The following OCM2 variants were observed in gnomAD, a reference collection of about 807,000 sequenced individuals.
The protein encoded by OCM2 is oncomodulin 2.
In OCM2, 6 loss-of-function variants were observed where a neutral mutation model predicts 13.6. That is an observed-to-expected ratio of 0.44 (90% CI 0.24 to 0.87). OCM2 has a LOEUF of 0.87. Ranked by LOEUF, OCM2 falls within the 40% of genes least tolerant of loss-of-function variation. The pLI, the probability that OCM2 is intolerant of heterozygous loss-of-function variation, is 0.22. For synonymous variants in OCM2, 40 were observed against 50.7 expected, an observed-to-expected ratio of 0.79 and a Z score of 0.90; for missense variants, 118 against 136.8, an observed-to-expected ratio of 0.86 and a Z score of 0.68.
chr7:97,985,504 T>C (rs1794662252), intron 3 of OCM2, among the ~76,000 whole-genome samples: 1 of 151,228 alleles, frequency 6.6e-6, no homozygotes, highest in Non-Finnish European at 1.5e-5. Flanking sequence ...GTCCACAGGG[T>C]TCCTTTTCTC....
chr7:97,989,712 ATTTT>A (rs1344192037), intron 1 of OCM2, among the ~76,000 whole-genome samples: 1 of 136,652 alleles, frequency 7.3e-6, no homozygotes, highest in African/African-American at 2.7e-5. Flanking sequence ...CCTGGTCTAC[ATTTT>A]TTTTTTTTTT....
intron 3 of OCM2, among the ~76,000 whole-genome samples, chr7:97,986,798 G>A (rs1025327161): frequency 9.2e-5 from 14 of 152,074 alleles, no homozygotes; most frequent in African/African-American, 3.1e-4. Flanking sequence ...TCAGGTGAAG[G>A]ATATTTTGCA....
At chr7:97,986,409 G>A (rs765058000) in intron 3 of OCM2, among the ~76,000 whole-genome samples, 1 of 152,038 alleles carries the variant, frequency 6.6e-6, no homozygotes, top group African/African-American at 2.4e-5. Flanking sequence ...TGCTGAGTTG[G>A]CAGACACAAA....
chr7:97,988,489 C>T (rs1794695110), exon 2 of OCM2: 12 of 1,614,198 alleles, frequency 7.4e-6, no homozygotes, highest in Non-Finnish European at 1.0e-5. Flanking sequence ...ACCTGACTGG[C>T]TGACATCTTG....
intron 1 of OCM2, 28 bp downstream of exon 1, chr7:97,990,016 T>TGCCGCCCCCC: frequency 9.2e-7 from 1 of 1,083,838 alleles, no homozygotes; most frequent in Non-Finnish European, 1.4e-6. Flanking sequence ...TGTGAGGAAA[T>TGCCGCCCCCC]CCCACCCCCG....
At chr7:97,987,242 A>C (rs1356686904) in intron 2 of OCM2, 86 bp from the exon 3 acceptor site, 5 of 1,505,892 alleles carry the variant, frequency 3.3e-6, no homozygotes, top group Admixed American at 1.9e-5. Flanking sequence ...TAAGCATATC[A>C]TCTGTTTCCA....
intron 3 of OCM2, among the ~76,000 whole-genome samples, chr7:97,985,343 T>C (rs1245809595): frequency 6.9e-6 from 1 of 144,586 alleles, no homozygotes; most frequent in East Asian, 2.1e-4. Context: ...CACTTGAACC[T>C]GGGAGGCGGA....
rs757682710 is a variant in OCM2 at position 97,985,431 on chromosome 7, A to AAAAAAAAG, written c.305-449_305-448insCTTTTTTT. On this transcript the variant is annotated intron_variant, in intron 3 of 3. Transcript: ENST00000257627. ...CAGACTCCATCTCAAAAAAAAAAAA[A>AAAAAAAAG]AAAGAAAGAAAGAAAGAAAGAAAGA... Among the ~76,000 whole-genome samples the AAAAAAAAG allele has an allele frequency of 2.1e-4, 28 of 131,528 alleles. 1 individual carries two copies. Among genetic ancestry groups the AAAAAAAAG allele is most frequent in the South Asian group, 1.5e-3 (6 of 3,882 alleles). 86.3% of individuals were successfully genotyped at this position (131,528 alleles called of 152,430 possible).
intron 3 of OCM2, 36 bp from the exon 4 acceptor site, chr7:97,985,019 G>A (rs1562865049): frequency 3.7e-6 from 6 of 1,613,906 alleles, no homozygotes. Context: ...GTCAGTGGAG[G>A]TGGCTTCGTT....
chr7:97,989,865 G>C (rs143940110), intron 1 of OCM2, among the ~76,000 whole-genome samples, 179 bp downstream of exon 1: 2,473 of 151,820 alleles, frequency 0.016, 63 homozygotes, highest in African/African-American at 0.057. Context: ...TCACCATCTT[G>C]GCCAGGCTGG....
chr7:97,989,734 G>C (rs1175877976), intron 1 of OCM2, among the ~76,000 whole-genome samples: 2 of 148,776 alleles, frequency 1.3e-5, no homozygotes, highest in Non-Finnish European at 3.0e-5. Context: ...TTTGTAGACA[G>C]AGTCTACAAA....
chr7:97,985,276 G>A (rs1303553952), intron 3 of OCM2, among the ~76,000 whole-genome samples: 30 of 151,952 alleles, frequency 2.0e-4, no homozygotes, highest in Admixed American at 2.0e-4. Flanking sequence ...AAACTTAGCC[G>A]GGCGTGGTGG....
intron 3 of OCM2, among the ~76,000 whole-genome samples, chr7:97,985,418 C>CAAA (rs60506626): frequency 3.3e-5 from 3 of 89,688 alleles, no homozygotes; most frequent in African/African-American, 4.5e-5. Context: ...GACTCCATCT[C>CAAA]AAAAAAAAAA....
chr7:97,990,111 C>T (rs757583023), exon 1 of OCM2: 3 of 1,524,580 alleles, frequency 2.0e-6, no homozygotes, highest in Non-Finnish European at 2.7e-6. Flanking sequence ...TCATTTTCTA[C>T]CTACTCACAC....
At chr7:97,987,230 T>A (rs1794681982) in intron 2 of OCM2, 74 bp from the exon 3 acceptor site, 1 of 1,556,204 alleles carries the variant, frequency 6.4e-7, no homozygotes, top group South Asian at 1.1e-5. Context: ...TTGTTTTTCC[T>A]TTAAGCATAT....
chr7:97,988,798 C>T (rs766780352), intron 1 of OCM2, among the ~76,000 whole-genome samples: 15 of 152,114 alleles, frequency 9.9e-5, no homozygotes, highest in South Asian at 2.1e-4. Flanking sequence ...CTCCTCTCCT[C>T]TGTGCCTCCC....
intron 3 of OCM2, 62 bp from the exon 4 acceptor site, chr7:97,985,045 G>C (rs1398839210): frequency 6.2e-7 from 1 of 1,611,158 alleles, no homozygotes; most frequent in Non-Finnish European, 8.5e-7. Flanking sequence ...CAGACATGCC[G>C]TGGCCAGTGA....
chr7:97,989,751 C>T (rs575215703), intron 1 of OCM2, among the ~76,000 whole-genome samples: 6 of 150,946 alleles, frequency 4.0e-5, no homozygotes, highest in Admixed American at 2.7e-4. Flanking sequence ...CAAAAAAGGC[C>T]GGGTTCAAGC....
At chr7:97,984,741 G>T (rs962096367) in exon 4 of OCM2, 2 of 556,318 alleles carry the variant, frequency 3.6e-6, no homozygotes, top group Non-Finnish European at 6.5e-6. Context: ...TTGGGGGAAG[G>T]GGGGCTTACA....
Sources: allele counts gnomAD v4.1 joint callset (sites outside exome capture counted in the v4.1 genomes callset), GRCh38; gene constraint gnomAD v4.1.1; transcripts MANE v1.5; gene names NCBI Gene and HGNC (gene_info 2026-07-23, HGNC 2026-07-21).